The following NFKB1 variants were observed in gnomAD, a reference collection of about 807,000 sequenced individuals.
NFKB1 encodes the protein nuclear factor NF-kappa-B p105 subunit.
NFKB1 carries 9 observed loss-of-function variants against 105.1 expected under a neutral mutation model. That is an observed-to-expected ratio of 0.09 (90% CI 0.05 to 0.15). The LOEUF (loss-of-function observed/expected upper bound fraction) is 0.15, where lower values mean the gene tolerates loss of function less well. Ranked by LOEUF, NFKB1 falls within the 10% of genes least tolerant of loss-of-function variation. The pLI is 1.00. For synonymous variants in NFKB1, 440 were observed against 442.2 expected, an observed-to-expected ratio of 1.00 and a Z score of 0.06; for missense variants, 830 against 1,203.7, an observed-to-expected ratio of 0.69 and a Z score of 4.59.
chr4:102,546,542 G>A (rs1469552555), intron 5 of NFKB1, among the ~76,000 whole-genome samples: 1 of 152,066 alleles, frequency 6.6e-6, no homozygotes, highest in Non-Finnish European at 1.5e-5. Context: ...GAGTTTATTA[G>A]AAAGTATGAA....
intron 6 of NFKB1, among the ~76,000 whole-genome samples, chr4:102,575,510 C>T (rs230540): frequency 0.72 from 109,836 of 152,000 alleles, 41,043 homozygotes; most frequent in African/African-American, 0.92. Flanking sequence ...CTGAATTCTT[C>T]ACTTACTTCT....
rs575527309 is a variant in NFKB1, at chr4:102,579,971, AG to A, written c.731-563del. Reference sequence around the variant, plus strand: ...AATCACCTTAAAATGCAGCTGTTGGAGAAAAAAAAAAAGGAAGCTTTATGCT... The same window carrying A: ...AATCACCTTAAAATGCAGCTGTTGGAAAAAAAAAAAAGGAAGCTTTATGCT... On this transcript the variant is annotated intron_variant, in intron 8 of 23. Transcript: ENST00000226574. Among the ~76,000 whole-genome samples, 103 of 151,762 alleles carry A rather than the reference AG, an allele frequency of 6.8e-4. 1 individual carries two copies. Among genetic ancestry groups the A allele is most frequent in the African/African-American group, 2.3e-3 (96 of 41,306 alleles).
At chr4:102,580,227 A>G (rs949849483) in intron 8 of NFKB1, among the ~76,000 whole-genome samples, 3 of 152,196 alleles carry the variant, frequency 2.0e-5, no homozygotes, top group Non-Finnish European at 2.9e-5. Context: ...CCAGAAATCA[A>G]TTAGCTTGGT....
chr4:102,544,783 T>A (rs985194385), intron 5 of NFKB1, among the ~76,000 whole-genome samples: 1 of 152,184 alleles, frequency 6.6e-6, no homozygotes, highest in African/African-American at 2.4e-5. Context: ...ACACAGATAA[T>A]AGCTGGGAAG....
At chr4:102,578,663 A>C in intron 7 of NFKB1, 1 of 521,958 alleles carries the variant, frequency 1.9e-6, no homozygotes, top group Non-Finnish European at 3.4e-6. Flanking sequence ...GAGAGTTTTT[A>C]CTGTAATCCG....
chr4:102,613,305 C>A, intron 22 of NFKB1, 120 bp from the exon 23 acceptor site: 1 of 1,007,142 alleles, frequency 9.9e-7, no homozygotes, highest in Non-Finnish European at 1.5e-6. Context: ...CTTTCCATTT[C>A]CTCCTGGCTC....
At chr4:102,603,381 A>AT (rs11397781) in intron 16 of NFKB1, among the ~76,000 whole-genome samples, 48,192 of 150,242 alleles carry the variant, frequency 0.32, 7,961 homozygotes, top group East Asian at 0.42. Context: ...AGTAGCTATG[A>AT]TTTTTTTTTT....
chr4:102,596,320 G>A lies in NFKB1; in HGVS notation c.1483G>A (p.Ala495Thr). 1 of 1,607,632 alleles carries A rather than the reference G, an allele frequency of 6.2e-7. No homozygotes were observed. Among genetic ancestry groups the A allele is most frequent in the Non-Finnish European group, 8.5e-7 (1 of 1,175,660 alleles). Residue 495 changes from alanine to threonine, a missense_variant, in exon 14 of 24, where the codon GCT becomes ACT. Transcript: ENST00000226574. ...TGCAACAGGAACAAAAGAAGAGAGTGCTGGAGTTCAGGGTAAGTGAGCACA... is the reference window on the plus strand; with the variant it reads ...TGCAACAGGAACAAAAGAAGAGAGTACTGGAGTTCAGGGTAAGTGAGCACA... ...TYATGTKEES[A>T]GVQDNLFLEK...
chr4:102,535,790 C>G (rs1396159903), intron 4 of NFKB1, among the ~76,000 whole-genome samples: 1 of 152,074 alleles, frequency 6.6e-6, no homozygotes, highest in East Asian at 1.9e-4. Context: ...TGACACCACT[C>G]CCAATAAGAT....
At chr4:102,604,754 T>C (rs1727538065) in intron 16 of NFKB1, among the ~76,000 whole-genome samples, 1 of 152,036 alleles carries the variant, frequency 6.6e-6, no homozygotes, top group Non-Finnish European at 1.5e-5. Flanking sequence ...TCCTCACTTA[T>C]GTCCTCTTGT....
chr4:102,613,952 T>G (rs969881481), intron 23 of NFKB1, among the ~76,000 whole-genome samples: 1 of 152,152 alleles, frequency 6.6e-6, no homozygotes. Flanking sequence ...ACTGACCTTG[T>G]CCCCCACCAT....
intron 5 of NFKB1, among the ~76,000 whole-genome samples, chr4:102,564,429 A>G (rs1723689798): frequency 6.6e-6 from 1 of 152,116 alleles, no homozygotes; most frequent in South Asian, 2.1e-4. Flanking sequence ...TTCTTCTTTC[A>G]TCAGTATTTT....
At chr4:102,610,502 A>C in intron 19 of NFKB1, 73 bp from the exon 20 acceptor site, 1 of 1,550,946 alleles carries the variant, frequency 6.4e-7, no homozygotes, top group Non-Finnish European at 8.8e-7. Context: ...GCCTTTGGGA[A>C]TCTGACCTTT....
chr4:102,527,601 AT>A (rs1741005119), intron 2 of NFKB1, among the ~76,000 whole-genome samples: 1 of 152,182 alleles, frequency 6.6e-6, no homozygotes, highest in South Asian at 2.1e-4. Flanking sequence ...GAATGACTGC[AT>A]TGCTTTTCAC....
chr4:102,614,452 C>G (rs892675858), intron 23 of NFKB1, among the ~76,000 whole-genome samples: 10 of 152,188 alleles, frequency 6.6e-5, no homozygotes, highest in Admixed American at 4.6e-4. Flanking sequence ...CCGAAACAAT[C>G]ACCCTCTTGA....
At chr4:102,542,391 A>G (rs1742056119) in intron 5 of NFKB1, among the ~76,000 whole-genome samples, 1 of 152,164 alleles carries the variant, frequency 6.6e-6, no homozygotes, top group African/African-American at 2.4e-5. Context: ...TTTTAATTAT[A>G]AATTCTTTCA....
At chr4:102,502,421 C>T (rs1367677505) in intron 1 of NFKB1, among the ~76,000 whole-genome samples, 1 of 147,024 alleles carries the variant, frequency 6.8e-6, no homozygotes, top group Non-Finnish European at 1.5e-5. Flanking sequence ...CACACACACA[C>T]ACACACGATA....
chr4:102,600,728 C>T (rs1252898593), intron 15 of NFKB1, among the ~76,000 whole-genome samples, 167 bp from the exon 16 acceptor site: 1 of 152,218 alleles, frequency 6.6e-6, no homozygotes, highest in Non-Finnish European at 1.5e-5. Context: ...CCTCTGGAGA[C>T]AGCATCCCAC....
At chr4:102,604,819 C>T (rs1469701136) in intron 16 of NFKB1, among the ~76,000 whole-genome samples, 1 of 151,974 alleles carries the variant, frequency 6.6e-6, no homozygotes, top group Non-Finnish European at 1.5e-5. Flanking sequence ...GTTGCTGGGA[C>T]ATTTGTATAT....
Sources: gnomAD v4.1 joint callset for allele counts (sites outside exome capture counted in the v4.1 genomes callset) on GRCh38, gnomAD v4.1.1 for gene constraint, MANE v1.5 for transcripts, NCBI Gene and HGNC (gene_info 2026-07-23, HGNC 2026-07-21) for gene names.